KTN1: variants seen among roughly 807,000 people sequenced by gnomAD.
KTN1 encodes kinectin.
KTN1 carries 130 observed loss-of-function variants against 222.5 expected under a neutral mutation model. The observed-to-expected ratio is 0.58, with a 90% CI of 0.51 to 0.68. The LOEUF (loss-of-function observed/expected upper bound fraction) is 0.68. Ranked by LOEUF, KTN1 falls within the 30% of genes least tolerant of loss-of-function variation. KTN1 has a pLI of 0.00. For synonymous variants in KTN1, 512 were observed against 496.3 expected, an observed-to-expected ratio of 1.03 and a Z score of -0.42; for missense variants, 1,508 against 1,500.4, an observed-to-expected ratio of 1.01 and a Z score of -0.08.
intron 23 of KTN1, 66 bp downstream of exon 23, chr14:55,650,484 T>C (rs2042828486): frequency 1.3e-6 from 2 of 1,505,180 alleles, no homozygotes; most frequent in African/African-American, 2.8e-5. Context: ...ATCATTTAAT[T>C]TCGTGTGTTT....
intron 1 of KTN1, among the ~76,000 whole-genome samples, chr14:55,590,673 G>C (rs2033939621): frequency 6.6e-6 from 1 of 151,254 alleles, no homozygotes; most frequent in Non-Finnish European, 1.5e-5. Flanking sequence ...TTGTTATCAG[G>C]ATATTCTTTT....
At chr14:55,675,180 A>G (rs1476632800) in intron 40 of KTN1, 1 of 152,238 alleles carries the variant, frequency 6.6e-6, no homozygotes, top group Non-Finnish European at 1.5e-5. Context: ...TGGGAGCAGT[A>G]TAGTTCATTT....
In KTN1 at chr14:55,673,235, C is replaced by A; in HGVS notation, c.3751C>A (p.Gln1251Lys). 6.2e-7 allele frequency: 1 copy of A among 1,611,756 alleles called. No individual in the cohort carries two copies. Among genetic ancestry groups the A allele is most frequent in the Non-Finnish European group, 8.5e-7 (1 of 1,178,288 alleles). The change falls in exon 40 of 44, where the codon CAG becomes AAG. Residue 1251 changes from glutamine (Q) to lysine (K), a missense_variant. Transcript: ENST00000395314. ...TGATTCATATTCTGAAGCAGTAAGACAGAATGAAGAGCTAAATTTGGTAAG... is the reference window on the plus strand; with the variant it reads ...TGATTCATATTCTGAAGCAGTAAGAAAGAATGAAGAGCTAAATTTGGTAAG... The part of the protein sequence containing the change: ...LDDSYSEAVR[Q>K]NEELNLLKAQ...
In KTN1 at chr14:55,647,751, T is replaced by A. The variant is rs1300569102; in HGVS notation, c.2208-274T>A. Reference sequence around the variant, plus strand: ...TGAGGTCAGGAGATCGAGACCATCCTGGCTAACATGGTGAAACCCCATCTC... The same window carrying A: ...TGAGGTCAGGAGATCGAGACCATCCAGGCTAACATGGTGAAACCCCATCTC... On this transcript the variant is annotated intron_variant, in intron 19 of 43. Coordinates refer to ENST00000395314, the MANE Select transcript of KTN1 (RefSeq NM_001079521.2). Among the ~76,000 whole-genome samples the A allele has an allele frequency of 2.0e-5, 3 of 149,996 alleles. No homozygotes were observed. The East Asian group carries it at 5.9e-4, about 30-fold the overall frequency.
At chr14:55,595,040 G>A (rs1286322416) in intron 1 of KTN1, among the ~76,000 whole-genome samples, 5 of 152,200 alleles carry the variant, frequency 3.3e-5, no homozygotes, top group African/African-American at 4.8e-5. Context: ...TTCACAACAC[G>A]GGAAATAGAA....
intron 19 of KTN1, among the ~76,000 whole-genome samples, 195 bp downstream of exon 19, chr14:55,647,202 G>A (rs1217233995): frequency 6.6e-6 from 1 of 152,146 alleles, no homozygotes; most frequent in Non-Finnish European, 1.5e-5. Flanking sequence ...ATATAAGAAT[G>A]AATTACTTGA....
At chr14:55,672,480 C>T (rs2045536131) in intron 37 of KTN1, 150 bp from the exon 38 acceptor site, 1 of 546,280 alleles carries the variant, frequency 1.8e-6, no homozygotes, top group East Asian at 3.0e-5. Flanking sequence ...CAATGTGACT[C>T]ATTTTTAAGG....
intron 5 of KTN1, among the ~76,000 whole-genome samples, chr14:55,624,957 C>T (rs750037767): frequency 6.6e-6 from 1 of 152,252 alleles, no homozygotes; most frequent in Middle Eastern, 3.4e-3. Flanking sequence ...AGCGAGTGTC[C>T]GCTACGAGTA....
At chr14:55,583,272 A>G (rs1252713894) in intron 1 of KTN1, among the ~76,000 whole-genome samples, 3 of 151,946 alleles carry the variant, frequency 2.0e-5, no homozygotes, top group African/African-American at 7.3e-5. Context: ...AAACTAGGCT[A>G]TTTTTCTTTT....
In KTN1 at chr14:55,612,009, C is replaced by T. The variant is rs1286431506; in HGVS notation, c.-30-10C>T. ...TTTTTTTTTTTGTCCCCACCTTCTT[C>T]CCTATTTAGGTTTTATAGGATCACA... is the stretch of plus-strand genomic sequence containing the variant. On this transcript the variant is annotated splice_polypyrimidine_tract_variant and intron_variant, in intron 1 of 43. Coordinates refer to ENST00000395314, the MANE Select transcript of KTN1 (RefSeq NM_001079521.2). The T allele has an allele frequency of 5.3e-6, 6 of 1,126,996 alleles. No individual in the cohort carries two copies. The highest frequency in any genetic ancestry group is 1.6e-5 in the African/African-American group (1 of 61,696). The allele number at this position is 1,126,996 out of a possible 1,614,324, so 69.8% of individuals were successfully genotyped here.
In KTN1 at chr14:55,647,398, GCTGAGGCGGGTGGATCAC is replaced by G. The variant is rs199786675; in HGVS notation, c.2207+398_2207+415del. Among the ~76,000 whole-genome samples, 55 of 152,198 alleles carry G rather than the reference GCTGAGGCGGGTGGATCAC, an allele frequency of 3.6e-4. 1 individual carries two copies. In the East Asian group the frequency reaches 0.011, roughly 29 times the overall value. ...ACCTGTAATCCCAGCACTTTGGGAGGCTGAGGCGGGTGGATCACCTGAGGTCAGGGGTTTGAAACCAGC... is the reference window on the plus strand; with the variant it reads ...ACCTGTAATCCCAGCACTTTGGGAGGCTGAGGTCAGGGGTTTGAAACCAGC... On this transcript the variant is annotated intron_variant, in intron 19 of 43. Coordinates refer to ENST00000395314, the MANE Select transcript of KTN1 (RefSeq NM_001079521.2).
chr14:55,667,306 A>G lies in KTN1; in HGVS notation c.3243A>G (p.Pro1081=). The change falls in exon 34 of 44, where the codon CCA becomes CCG. Residue 1081 remains proline, a synonymous_variant. Coordinates refer to ENST00000395314, the MANE Select transcript of KTN1 (RefSeq NM_001079521.2). ...AAGAAGTTCTCAAAAAATTATTTCC[A>G]AAGGTGTCTGTCCCTTCTAATTTGG... The part of the protein sequence containing the change: ...EAKEVLKKLF[P]KVSVPSNLSY... 6.2e-7 allele frequency: 1 copy of G among 1,600,954 alleles called. No homozygotes were observed. The highest frequency in any genetic ancestry group is 8.5e-7 in the Non-Finnish European group (1 of 1,171,534).
intron 1 of KTN1, among the ~76,000 whole-genome samples, chr14:55,604,735 A>G (rs1566688500): frequency 6.6e-6 from 1 of 151,966 alleles, no homozygotes; most frequent in Non-Finnish European, 1.5e-5. Flanking sequence ...TGAATAATAA[A>G]GACTATTGTG....
chr14:55,615,794 C>G (rs1173069939), intron 2 of KTN1, among the ~76,000 whole-genome samples: 1 of 151,306 alleles, frequency 6.6e-6, no homozygotes, highest in African/African-American at 2.4e-5. Flanking sequence ...TCTTCCTTCC[C>G]TTCCCTTCCT....
chr14:55,627,402 T>C (rs1469466850), intron 5 of KTN1, among the ~76,000 whole-genome samples: 1 of 152,154 alleles, frequency 6.6e-6, no homozygotes, highest in Non-Finnish European at 1.5e-5. Context: ...TGATGTTAGA[T>C]ACTTCATTTT....
chr14:55,626,803 C>T (rs1172434683), intron 5 of KTN1, among the ~76,000 whole-genome samples: 2 of 151,936 alleles, frequency 1.3e-5, no homozygotes, highest in Non-Finnish European at 2.9e-5. Flanking sequence ...TTGACTGCCT[C>T]ACTGGCTAGT....
chr14:55,599,599 G>A (rs1018150041), intron 1 of KTN1, among the ~76,000 whole-genome samples: 2 of 152,052 alleles, frequency 1.3e-5, no homozygotes, highest in Non-Finnish European at 2.9e-5. Flanking sequence ...CTCAGCCTCC[G>A]GAGTAGCTGG....
intron 1 of KTN1, among the ~76,000 whole-genome samples, chr14:55,596,206 G>C (rs1197210308): frequency 6.6e-6 from 1 of 150,390 alleles, no homozygotes; most frequent in Admixed American, 6.6e-5. Flanking sequence ...GTTTATAGTG[G>C]ATGGCTTTTG....
chr14:55,646,496 TTTCCTTTCCTTTCCTTTCCTTTCC>T lies in KTN1; in HGVS notation c.2173-474_2173-451del, dbSNP rs1566788880. 3.4e-3 allele frequency among the ~76,000 whole-genome samples: 393 copies of T among 113,970 alleles called. 6 individuals are homozygous for T. The highest frequency in any genetic ancestry group is 0.012 in the African/African-American group (324 of 27,452). The allele number at this position is 113,970 out of a possible 152,430, so 74.8% of individuals were successfully genotyped here. On this transcript the variant is annotated intron_variant, in intron 18 of 43. Coordinates refer to ENST00000395314, the MANE Select transcript of KTN1 (RefSeq NM_001079521.2). ...TTTCCTTTCCTTTCCTTTCCTTTCC[TTTCCTTTCCTTTCCTTTCCTTTCC>T]TTTCCTTTCCTTTCCTTTCCTTTCC...
Sources: gnomAD v4.1 joint callset for allele counts (sites outside exome capture counted in the v4.1 genomes callset) on GRCh38, gnomAD v4.1.1 for gene constraint, MANE v1.5 for transcripts, NCBI Gene and HGNC (gene_info 2026-07-23, HGNC 2026-07-21) for gene names.